Variants in CDKAL1 observed in about 807,000 individuals in gnomAD.
CDKAL1 encodes the protein CDKAL1 threonylcarbamoyladenosine tRNA methylthiotransferase, also known as threonylcarbamoyladenosine tRNA methylthiotransferase.
Under a neutral mutation model 68.2 loss-of-function variants are expected in CDKAL1, and 32 were observed. The ratio of observed to expected loss-of-function variants is 0.47; its 90% CI spans 0.35 to 0.63. CDKAL1 has a LOEUF of 0.63. Among genes scored for constraint, CDKAL1 ranks in the 30% least tolerant of loss-of-function variants. The pLI, the probability that CDKAL1 is intolerant of heterozygous loss-of-function variation, is 0.00. For missense variants in CDKAL1, 606 were observed against 696.7 expected, an observed-to-expected ratio of 0.87 and a Z score of 1.47; for synonymous variants, 234 against 244.3, an observed-to-expected ratio of 0.96 and a Z score of 0.39.
intron 10 of CDKAL1, among the ~76,000 whole-genome samples, chr6:20,960,223 G>A (rs1260140388): frequency 2.0e-5 from 3 of 152,054 alleles, no homozygotes; most frequent in Non-Finnish European, 4.4e-5. Flanking sequence ...TGAACTCCTG[G>A]GCTCAAGTGA....
intron 10 of CDKAL1, among the ~76,000 whole-genome samples, chr6:20,965,348 A>G (rs1211669641): frequency 8.3e-6 from 1 of 119,864 alleles, no homozygotes. Flanking sequence ...AGGGGAGGGA[A>G]GAGGGAAGAC....
chr6:21,012,214 A>G (rs1768062161), intron 11 of CDKAL1, among the ~76,000 whole-genome samples: 1 of 152,218 alleles, frequency 6.6e-6, no homozygotes, highest in East Asian at 1.9e-4. Flanking sequence ...TCATATGGCC[A>G]CACTTACCTG....
chr6:21,180,224 T>A (rs1311842903), intron 13 of CDKAL1, among the ~76,000 whole-genome samples: 14 of 152,196 alleles, frequency 9.2e-5, no homozygotes, highest in Non-Finnish European at 1.5e-4. Flanking sequence ...GTGTTCATAG[T>A]CATCATGGTG....
At chr6:20,874,965 T>C (rs1191186230) in intron 9 of CDKAL1, among the ~76,000 whole-genome samples, 1 of 152,092 alleles carries the variant, frequency 6.6e-6, no homozygotes, top group Non-Finnish European at 1.5e-5. Flanking sequence ...ACTTGAGATA[T>C]TTTGAACTGA....
In CDKAL1 at chr6:20,688,461, T is replaced by C. The variant is rs1385828020; in HGVS notation, c.371+39084T>C. Among the ~76,000 whole-genome samples, 4 of 152,170 alleles carry C rather than the reference T, an allele frequency of 2.6e-5. No homozygotes were observed. The East Asian group carries it at 7.7e-4, about 29-fold the overall frequency. ...TGTTTTTAGTCTTTTTTCTTTGTGCTTTTCAGTTTTGTACATTTCTATTGT... is the reference window on the plus strand; with the variant it reads ...TGTTTTTAGTCTTTTTTCTTTGTGCCTTTCAGTTTTGTACATTTCTATTGT... On this transcript the variant is annotated intron_variant, in intron 5 of 15. Transcript: ENST00000274695.
chr6:20,589,389 G>A (rs1428240518), intron 4 of CDKAL1, among the ~76,000 whole-genome samples: 1 of 152,188 alleles, frequency 6.6e-6, no homozygotes, highest in Admixed American at 6.5e-5. Context: ...AGAAGAAAGT[G>A]TCAGATTGCT....
At chr6:20,856,701 A>G (rs1759356537) in intron 9 of CDKAL1, among the ~76,000 whole-genome samples, 1 of 152,206 alleles carries the variant, frequency 6.6e-6, no homozygotes, top group Admixed American at 6.5e-5. Context: ...TGCGTTTACC[A>G]TTTGAGCTGA....
intron 13 of CDKAL1, among the ~76,000 whole-genome samples, chr6:21,181,105 G>A (rs1777771310): frequency 6.6e-6 from 1 of 152,140 alleles, no homozygotes; most frequent in Non-Finnish European, 1.5e-5. Context: ...GAGTAAGAGA[G>A]AGCTGAGAAA....
intron 9 of CDKAL1, among the ~76,000 whole-genome samples, chr6:20,948,504 G>A (rs184668423): frequency 3.9e-5 from 6 of 152,154 alleles, no homozygotes; most frequent in South Asian, 2.1e-4. Flanking sequence ...TTGAAATCTC[G>A]ATAAGTTTTT....
intron 7 of CDKAL1, among the ~76,000 whole-genome samples, chr6:20,777,521 G>A (rs1351099695): frequency 1.3e-5 from 2 of 152,164 alleles, no homozygotes; most frequent in Non-Finnish European, 2.9e-5. Context: ...AGGCTGAGAT[G>A]GAAGGATTGC....
chr6:21,163,672 CG>C (rs1562084140), intron 13 of CDKAL1, among the ~76,000 whole-genome samples: 1 of 152,078 alleles, frequency 6.6e-6, no homozygotes, highest in African/African-American at 2.4e-5. Context: ...GTTATCTGGC[CG>C]GGCGCGGTGG....
chr6:20,831,802 A>G (rs1777729249), intron 8 of CDKAL1, among the ~76,000 whole-genome samples: 1 of 152,198 alleles, frequency 6.6e-6, no homozygotes, highest in Non-Finnish European at 1.5e-5. Flanking sequence ...CTCATGAGGC[A>G]CCCACTTATC....
At chr6:20,771,384 A>C (rs922091844) in intron 7 of CDKAL1, among the ~76,000 whole-genome samples, 1 of 152,192 alleles carries the variant, frequency 6.6e-6, no homozygotes, top group Non-Finnish European at 1.5e-5. Flanking sequence ...TGCTGCCTAC[A>C]GTACAAGATT....
rs950313374 is a variant in CDKAL1, at chr6:21,230,941, C to T, written c.1642C>T (p.Pro548Ser). The T allele has an allele frequency of 2.4e-5, 38 of 1,614,004 alleles. No individual in the cohort carries two copies. The highest frequency in any genetic ancestry group is 3.2e-5 in the Non-Finnish European group (38 of 1,179,966). Residue 548 changes from proline (P) to serine (S), a missense_variant, in exon 16 of 16, where the codon CCC becomes TCC. Coordinates refer to ENST00000274695, the MANE Select transcript of CDKAL1 (RefSeq NM_017774.3). Reference sequence around the variant, plus strand: ...CTCAGCGAGTTCCAGAATGGTGCTGCCCATGCCAAGGCTACATCAAGACTG... The same window carrying T: ...CTCAGCGAGTTCCAGAATGGTGCTGTCCATGCCAAGGCTACATCAAGACTG... ...CDSASSRMVL[P>S]MPRLHQDCAL...
chr6:20,973,140 T>C (rs1184348860), intron 10 of CDKAL1, among the ~76,000 whole-genome samples: 4 of 152,000 alleles, frequency 2.6e-5, no homozygotes, highest in South Asian at 2.1e-4. Context: ...TAGAGTAACA[T>C]TGGTAGAACA....
chr6:20,602,080 A>G (rs1212778123), intron 4 of CDKAL1, among the ~76,000 whole-genome samples: 1 of 152,242 alleles, frequency 6.6e-6, no homozygotes, highest in Non-Finnish European at 1.5e-5. Context: ...CTTCATGGGT[A>G]CTTACATGTA....
At chr6:21,165,103 T>C (rs908475222) in intron 13 of CDKAL1, among the ~76,000 whole-genome samples, 3 of 152,256 alleles carry the variant, frequency 2.0e-5, no homozygotes, top group Non-Finnish European at 4.4e-5. Context: ...GGCAAAGTAA[T>C]TGACCACAGC....
chr6:20,881,557 G>T (rs1760819738), intron 9 of CDKAL1, among the ~76,000 whole-genome samples: 1 of 152,124 alleles, frequency 6.6e-6, no homozygotes, highest in African/African-American at 2.4e-5. Flanking sequence ...CTAGGCATTT[G>T]ATTGACCTTT....
chr6:21,073,129 T>G (rs1771884804), intron 12 of CDKAL1, among the ~76,000 whole-genome samples: 2 of 152,308 alleles, frequency 1.3e-5, no homozygotes, highest in South Asian at 4.1e-4. Flanking sequence ...ACATTTAAGA[T>G]TCCTTTGAAT....
Sources: gnomAD v4.1 joint callset for allele counts (sites outside exome capture counted in the v4.1 genomes callset) on GRCh38, gnomAD v4.1.1 for gene constraint, MANE v1.5 for transcripts, NCBI Gene and HGNC (gene_info 2026-07-23, HGNC 2026-07-21) for gene names.